The following PPM1E variants were observed in gnomAD, a reference collection of about 807,000 sequenced individuals.
PPM1E encodes the protein protein phosphatase, Mg2+/Mn2+ dependent 1E.
In PPM1E, 20 loss-of-function variants were observed where a neutral mutation model predicts 65.9. The ratio of observed to expected loss-of-function variants is 0.30; its 90% CI spans 0.21 to 0.44. The LOEUF is 0.44. Among genes scored for constraint, PPM1E ranks in the 20% least tolerant of loss-of-function variants. The probability of loss-of-function intolerance (pLI) is 1.00; values close to 1 mark genes in which losing one functional copy is unlikely to be tolerated. For synonymous variants in PPM1E, 352 were observed against 374.9 expected, an observed-to-expected ratio of 0.94 and a Z score of 0.70; for missense variants, 713 against 953.1, an observed-to-expected ratio of 0.75 and a Z score of 3.32.
chr17:58,769,503 G>A (rs2049915544), intron 1 of PPM1E, among the ~76,000 whole-genome samples: 1 of 151,888 alleles, frequency 6.6e-6, no homozygotes, highest in African/African-American at 2.4e-5. Flanking sequence ...AGGCTGAGGT[G>A]GGAGGATGAT....
At position 58,922,257 on chromosome 17, in the gene PPM1E, G is replaced by A. The variant is rs565383009; in HGVS notation, c.465-33392G>A. 3.3e-5 allele frequency among the ~76,000 whole-genome samples: 5 copies of A among 151,616 alleles called. No homozygotes were observed. The South Asian group carries it at 1.0e-3, about 32-fold the overall frequency. ...GTAGTAATGAATTAAAGGAAGCCAA[G>A]TCATTATGTTTGAGTTTTACTTTGG... On this transcript the variant is annotated intron_variant, in intron 1 of 6. Coordinates refer to ENST00000308249, the MANE Select transcript of PPM1E (RefSeq NM_014906.5).
At chr17:58,798,789 G>T (rs894445730) in intron 1 of PPM1E, among the ~76,000 whole-genome samples, 2 of 151,804 alleles carry the variant, frequency 1.3e-5, no homozygotes, top group Non-Finnish European at 2.9e-5. Context: ...TGCCTCCTGG[G>T]TTCAAGTGAT....
chr17:58,787,511 A>C lies in PPM1E; in HGVS notation c.464+31050A>C, dbSNP rs569064492. ...TAATTCGTTATTCTTGGACCCATGG[A>C]CTAATCATTTTGTATTATTTCCATG... On this transcript the variant is annotated intron_variant, in intron 1 of 6. Coordinates refer to ENST00000308249, the MANE Select transcript of PPM1E (RefSeq NM_014906.5). 1.9e-4 allele frequency among the ~76,000 whole-genome samples: 29 copies of C among 152,174 alleles called. No individual in the cohort carries two copies. The East Asian group carries it at 5.2e-3, about 27-fold the overall frequency.
At chr17:58,837,210 A>G (rs1023248039) in intron 1 of PPM1E, among the ~76,000 whole-genome samples, 2 of 146,180 alleles carry the variant, frequency 1.4e-5, no homozygotes, top group Non-Finnish European at 3.0e-5. Flanking sequence ...TGATGGTCCC[A>G]CTGCACTCCA....
At chr17:58,882,634 G>T (rs906061327) in intron 1 of PPM1E, among the ~76,000 whole-genome samples, 1 of 151,898 alleles carries the variant, frequency 6.6e-6, no homozygotes, top group African/African-American at 2.4e-5. Flanking sequence ...CAAGTGATCC[G>T]CTCACCTCAG....
intron 1 of PPM1E, among the ~76,000 whole-genome samples, chr17:58,918,336 C>G (rs546448570): frequency 6.6e-6 from 1 of 152,200 alleles, no homozygotes; most frequent in South Asian, 2.1e-4. Flanking sequence ...TTCCTAAGGG[C>G]ATATCGTTTT....
chr17:58,910,931 C>T (rs751523022), intron 1 of PPM1E, among the ~76,000 whole-genome samples: 1 of 152,116 alleles, frequency 6.6e-6, no homozygotes, highest in Non-Finnish European at 1.5e-5. Flanking sequence ...CTCCTCTTGC[C>T]AGATTCATGA....
At chr17:58,889,794 T>C (rs1397201627) in intron 1 of PPM1E, among the ~76,000 whole-genome samples, 2 of 152,206 alleles carry the variant, frequency 1.3e-5, no homozygotes, top group African/African-American at 4.8e-5. Context: ...CTGCCCTTGC[T>C]AGAAACCTCA....
chr17:58,793,368 T>A (rs182338195), intron 1 of PPM1E, among the ~76,000 whole-genome samples: 3,496 of 151,906 alleles, frequency 0.023, 47 homozygotes, highest in South Asian at 0.036. Context: ...TATTATTTTT[T>A]TTTTTGAGAT....
intron 1 of PPM1E, among the ~76,000 whole-genome samples, chr17:58,886,067 A>G (rs571848213): frequency 6.6e-6 from 1 of 152,154 alleles, no homozygotes; most frequent in Non-Finnish European, 1.5e-5. Flanking sequence ...CTCCACTATA[A>G]CAAGTCAGAT....
intron 1 of PPM1E, among the ~76,000 whole-genome samples, chr17:58,759,142 A>G (rs2049798360): frequency 6.6e-6 from 1 of 151,932 alleles, no homozygotes; most frequent in Non-Finnish European, 1.5e-5. Context: ...GGTGGTGTGA[A>G]CCTGTAGTCC....
chr17:58,800,608 G>A (rs780738750), intron 1 of PPM1E, among the ~76,000 whole-genome samples: 4 of 152,218 alleles, frequency 2.6e-5, no homozygotes, highest in East Asian at 3.9e-4. Context: ...TAGACAAGGG[G>A]CTGCTGAGAT....
In PPM1E at chr17:58,980,836, C is replaced by T; in HGVS notation, c.2073C>T (p.Leu691=). The change falls in exon 7 of 7, where the codon CTC becomes CTT. Residue 691 remains leucine (L), a synonymous_variant. Coordinates refer to ENST00000308249, the MANE Select transcript of PPM1E (RefSeq NM_014906.5). This position sits in a 1 kb window ranked among gnomAD's most constrained non-coding sequence, Gnocchi z 4.7. ...FRFNPKFYSF[L]SAQEPSHKIG... The stretch of plus-strand genomic sequence containing the variant: ...TTAATCCAAAGTTTTATTCATTTCT[C>T]TCTGCTCAAGAGCCTTCCCACAAAA... The T allele has an allele frequency of 6.2e-7, 1 of 1,614,208 alleles. No homozygotes were observed. The highest frequency in any genetic ancestry group is 8.5e-7 in the Non-Finnish European group (1 of 1,180,016).
intron 1 of PPM1E, among the ~76,000 whole-genome samples, chr17:58,836,945 G>A (rs1416156143): frequency 2.0e-5 from 3 of 148,532 alleles, no homozygotes; most frequent in Admixed American, 1.3e-4. Context: ...GCGTGAACCC[G>A]GGAGGCGGAG....
chr17:58,830,164 G>A (rs2050585010), intron 1 of PPM1E, among the ~76,000 whole-genome samples: 1 of 152,060 alleles, frequency 6.6e-6, no homozygotes, highest in Non-Finnish European at 1.5e-5. Context: ...ATCAGAGCAA[G>A]ACACTGTCTC....
At position 58,982,632 on chromosome 17, in the gene PPM1E, C is replaced by G. The variant is rs1267422694; in HGVS notation, c.*1601C>G. On this transcript the variant is annotated 3_prime_UTR_variant, in exon 7 of 7. Transcript: ENST00000308249. ...AGCTATATCAAATAGACAAAAACAG[C>G]TTCACTTTAGCAATGATCAGATTGT... is the stretch of plus-strand genomic sequence containing the variant. 2 of 417,232 alleles carry G rather than the reference C, an allele frequency of 4.8e-6. No individual in the cohort carries two copies. Among genetic ancestry groups the G allele is most frequent in the Non-Finnish European group, 8.6e-6 (2 of 232,200 alleles). The allele number at this position is 417,232 out of a possible 1,614,324, so 25.8% of individuals were successfully genotyped here.
intron 1 of PPM1E, among the ~76,000 whole-genome samples, chr17:58,921,145 G>C (rs2051745116): frequency 6.6e-6 from 1 of 152,206 alleles, no homozygotes; most frequent in African/African-American, 2.4e-5. Context: ...ATTAGAGCCT[G>C]AATGGAATGA....
chr17:58,942,324 T>C (rs2052084779), intron 1 of PPM1E, among the ~76,000 whole-genome samples: 1 of 152,088 alleles, frequency 6.6e-6, no homozygotes, highest in African/African-American at 2.4e-5. Context: ...AGTTTGAGGC[T>C]GCAGTGAGGT....
chr17:58,907,104 A>G (rs1282299213), intron 1 of PPM1E, among the ~76,000 whole-genome samples: 1 of 152,040 alleles, frequency 6.6e-6, no homozygotes, highest in Non-Finnish European at 1.5e-5. Context: ...AATTTAGTCG[A>G]GCGTGGTGGC....
Sources: allele counts gnomAD v4.1 joint callset (sites outside exome capture counted in the v4.1 genomes callset), GRCh38; gene constraint gnomAD v4.1.1; non-coding constraint Gnocchi (gnomAD v3.1); transcripts MANE v1.5; gene names NCBI Gene and HGNC (gene_info 2026-07-23, HGNC 2026-07-21).